The following UBR1 variants were observed in gnomAD, a reference collection of about 807,000 sequenced individuals.
The protein encoded by UBR1 is ubiquitin protein ligase E3 component n-recognin 1.
Under a neutral mutation model 242.1 loss-of-function variants are expected in UBR1, and 102 were observed. The ratio of observed to expected loss-of-function variants is 0.42; its 90% CI spans 0.36 to 0.50. The LOEUF (loss-of-function observed/expected upper bound fraction) is 0.50, where lower values mean the gene tolerates loss of function less well. Among genes scored for constraint, UBR1 ranks in the 20% least tolerant of loss-of-function variants. The pLI is 0.01. For synonymous variants in UBR1, 675 were observed against 684.8 expected, an observed-to-expected ratio of 0.99 and a Z score of 0.22; for missense variants, 1,772 against 2,101.8, an observed-to-expected ratio of 0.84 and a Z score of 3.07.
intron 33 of UBR1, among the ~76,000 whole-genome samples, chr15:42,993,220 A>G (rs1463298148): frequency 6.6e-6 from 1 of 152,156 alleles, no homozygotes; most frequent in African/African-American, 2.4e-5. Context: ...AGCCTCAGGA[A>G]ACTCACTACC....
Position 42,988,986 on chromosome 15 carries a change from A to C in UBR1, c.3849-19T>G, listed in dbSNP as rs2032516869. ...TTTAATCCTATAAATAAAACAAGAAAATTTGTATGATTTAGTAAAAGGAGC... is the reference window on the plus strand; with the variant it reads ...TTTAATCCTATAAATAAAACAAGAACATTTGTATGATTTAGTAAAAGGAGC... On this transcript the variant is annotated intron_variant, in intron 34 of 46. Coordinates refer to ENST00000290650, the MANE Select transcript of UBR1 (RefSeq NM_174916.3). The C allele has an allele frequency of 1.3e-6, 2 of 1,579,766 alleles. No individual in the cohort carries two copies. The highest frequency in any genetic ancestry group is 1.7e-5 in the Admixed American group (1 of 59,930).
At chr15:43,032,816 A>C (rs1434073473) in intron 19 of UBR1, among the ~76,000 whole-genome samples, 185 bp from the exon 20 acceptor site, 1 of 152,206 alleles carries the variant, frequency 6.6e-6, no homozygotes, top group Non-Finnish European at 1.5e-5. Context: ...AAATTCAACA[A>C]TACCTGGCAT....
At chr15:43,016,281 A>C (rs2033022540) in intron 28 of UBR1, among the ~76,000 whole-genome samples, 1 of 152,216 alleles carries the variant, frequency 6.6e-6, no homozygotes. Flanking sequence ...TAACTTTAAC[A>C]ATATTACTGA....
chr15:43,088,770 G>A (rs999028294), intron 1 of UBR1, among the ~76,000 whole-genome samples: 1 of 151,568 alleles, frequency 6.6e-6, no homozygotes, highest in Non-Finnish European at 1.5e-5. Context: ...ATTAGGGATT[G>A]TCACATTTTT....
chr15:42,990,875 CTG>C (rs1281829148), intron 33 of UBR1, among the ~76,000 whole-genome samples: 1 of 152,166 alleles, frequency 6.6e-6, no homozygotes, highest in Non-Finnish European at 1.5e-5. Context: ...CTAAACCTCT[CTG>C]TAGCTCCATT....
intron 22 of UBR1, 41 bp from the exon 23 acceptor site, chr15:43,026,704 G>T: frequency 6.6e-7 from 1 of 1,517,736 alleles, no homozygotes; most frequent in Non-Finnish European, 9.1e-7. Flanking sequence ...CAGTGTTCTT[G>T]AAGTATAAAA....
At chr15:43,025,348 C>CA in intron 24 of UBR1, 33 bp downstream of exon 24, 1 of 1,592,554 alleles carries the variant, frequency 6.3e-7, no homozygotes, top group Non-Finnish European at 8.6e-7. Flanking sequence ...AGAAAATAGT[C>CA]AAAATGAGTC....
intron 1 of UBR1, among the ~76,000 whole-genome samples, chr15:43,092,439 T>C (rs2034115544): frequency 6.6e-6 from 1 of 152,220 alleles, no homozygotes; most frequent in Non-Finnish European, 1.5e-5. Context: ...CTGTATCCTA[T>C]AGGCCTAGCA....
At position 43,054,848 on chromosome 15, in the gene UBR1, G is replaced by A. The variant is rs183586823; in HGVS notation, c.1333C>T (p.Leu445=). The stretch of plus-strand genomic sequence containing the variant: ...AAGTACTCAGGTAAAACTTCTAGCA[G>A]AGTTTCAGTAATGACAGAGATAACA... The part of the protein sequence containing the change: ...QNVISVITET[L]LEVLPEYLDR... Residue 445 remains leucine, a synonymous_variant, in exon 12 of 47, where the codon CTG becomes TTG. Coordinates refer to ENST00000290650, the MANE Select transcript of UBR1 (RefSeq NM_174916.3). The A allele has an allele frequency of 1.2e-6, 2 of 1,614,140 alleles. No individual in the cohort carries two copies. Among genetic ancestry groups the A allele is most frequent in the East Asian group, 4.5e-5 (2 of 44,854 alleles).
rs1303434876 is a variant in UBR1, at chr15:42,950,349, C to T, written c.5021G>A (p.Arg1674Gln). The change falls in exon 46 of 47, where the codon CGA (arginine) becomes CAA (glutamine). Residue 1674 changes from arginine (R) to glutamine (Q), a missense_variant. By Grantham distance (43) the Arg-to-Gln change is conservative. Coordinates refer to ENST00000290650, the MANE Select transcript of UBR1 (RefSeq NM_174916.3). ...VCIFLKIREC[R>Q]VVLVEGKARG... ...GGCTTTACCTTCAACCAGGACCACT[C>T]GGCATTCTCTGATTCTGAAAGAGAA... 4.3e-6 allele frequency: 7 copies of T among 1,613,916 alleles called. No homozygotes were observed. Among genetic ancestry groups the T allele is most frequent in the Admixed American group, 1.7e-5 (1 of 59,996 alleles).
chr15:43,002,446 C>CCTGAGCT (rs1431635134), intron 32 of UBR1, 109 bp downstream of exon 32: 2 of 1,299,418 alleles, frequency 1.5e-6, no homozygotes, highest in African/African-American at 3.0e-5. Flanking sequence ...GTCTCGAACC[C>CCTGAGCT]CTGAGCTCTG....
intron 17 of UBR1, 70 bp from the exon 18 acceptor site, chr15:43,036,663 T>A: frequency 8.9e-7 from 1 of 1,120,104 alleles, no homozygotes; most frequent in Non-Finnish European, 1.3e-6. Flanking sequence ...CAAGAAAACC[T>A]ATCCTTAAAA....
intron 19 of UBR1, 91 bp from the exon 20 acceptor site, chr15:43,032,722 G>T: frequency 1.3e-6 from 1 of 768,966 alleles, no homozygotes. Context: ...GGTCCATCCA[G>T]CCTAGTATTT....
chr15:42,946,902 C>CT (rs1160275141), intron 46 of UBR1, among the ~76,000 whole-genome samples: 2 of 152,160 alleles, frequency 1.3e-5, no homozygotes, highest in African/African-American at 4.8e-5. Context: ...AATCCCAGCA[C>CT]TTTGGGAGTC....
intron 39 of UBR1, among the ~76,000 whole-genome samples, chr15:42,971,063 G>A (rs1364377593): frequency 6.6e-6 from 1 of 152,040 alleles, no homozygotes; most frequent in African/African-American, 2.4e-5. Context: ...AAAGTTGTTA[G>A]GTAAACTTTA....
At chr15:43,059,971 T>C (rs2033663060) in intron 7 of UBR1, 81 bp downstream of exon 7, 3 of 1,563,700 alleles carry the variant, frequency 1.9e-6, no homozygotes, top group Non-Finnish European at 2.6e-6. Flanking sequence ...AACGACATCA[T>C]CACTCAAATT....
Position 42,958,109 on chromosome 15 carries a change from G to A in UBR1, c.4758-19C>T. 3.8e-6 allele frequency: 6 copies of A among 1,585,652 alleles called. No individual in the cohort carries two copies. Among genetic ancestry groups the A allele is most frequent in the Non-Finnish European group, 5.2e-6 (6 of 1,155,170 alleles). On this transcript the variant is annotated intron_variant, in intron 43 of 46. Coordinates refer to ENST00000290650, the MANE Select transcript of UBR1 (RefSeq NM_174916.3). ...AGGGTACCTACAATGTAATTTAAAA[G>A]GCAATTTTATTTTAGAGTAAATAAC...
intron 3 of UBR1, among the ~76,000 whole-genome samples, chr15:43,079,519 C>T (rs1450983648): frequency 6.6e-6 from 1 of 151,844 alleles, no homozygotes; most frequent in African/African-American, 2.4e-5. Flanking sequence ...GTGGCTCACG[C>T]CTGTAATTCC....
At position 43,076,513 on chromosome 15, in the gene UBR1, G is replaced by A. The variant is rs373562568; in HGVS notation, c.418-1424C>T. 4.6e-5 allele frequency among the ~76,000 whole-genome samples: 7 copies of A among 150,704 alleles called. No individual in the cohort carries two copies. The East Asian group carries it at 1.2e-3, about 26-fold the overall frequency. On this transcript the variant is annotated intron_variant, in intron 3 of 46. Transcript: ENST00000290650. Reference sequence around the variant, plus strand: ...TGGGAAGTGAGGAGCGTCTCTGCCCGGCCGCCCATCGTCTGAGATGTGGGG... The same window carrying A: ...TGGGAAGTGAGGAGCGTCTCTGCCCAGCCGCCCATCGTCTGAGATGTGGGG...
Sources: allele counts gnomAD v4.1 joint callset (sites outside exome capture counted in the v4.1 genomes callset), GRCh38; gene constraint gnomAD v4.1.1; transcripts MANE v1.5; gene names NCBI Gene and HGNC (gene_info 2026-07-23, HGNC 2026-07-21).